The following STPG2 variants were observed in gnomAD, a reference collection of about 807,000 sequenced individuals.
STPG2 encodes sperm tail PG-rich repeat containing 2.
A neutral mutation model predicts 54.2 loss-of-function variants in STPG2; 56 were observed. The observed-to-expected ratio is 1.03, with a 90% CI of 0.83 to 1.29. The LOEUF (loss-of-function observed/expected upper bound fraction) is 1.29, where lower values mean the gene tolerates loss of function less well. Among genes scored for constraint, STPG2 ranks in the 50% most tolerant of loss-of-function variants. The probability of loss-of-function intolerance (pLI) is 0.00; values close to 1 mark genes in which losing one functional copy is unlikely to be tolerated. For missense variants in STPG2, 596 were observed against 544.9 expected, an observed-to-expected ratio of 1.09 and a Z score of -0.93; for synonymous variants, 200 against 181.8, an observed-to-expected ratio of 1.10 and a Z score of -0.81.
chr4:98,127,018 T>C (rs1441410696), intron 3 of STPG2, among the ~76,000 whole-genome samples: 1 of 151,792 alleles, frequency 6.6e-6, no homozygotes, highest in Non-Finnish European at 1.5e-5. Context: ...ATCTGGAAAA[T>C]ATAACAGTAA....
chr4:97,758,974 GA>G (rs1003687451), intron 9 of STPG2, among the ~76,000 whole-genome samples: 2 of 151,470 alleles, frequency 1.3e-5, no homozygotes, highest in Non-Finnish European at 2.9e-5. Context: ...GCAAAAGACA[GA>G]AAAAAAATGA....
At chr4:97,731,374 CA>C (rs1157995992) in intron 9 of STPG2, among the ~76,000 whole-genome samples, 4 of 152,130 alleles carry the variant, frequency 2.6e-5, no homozygotes, top group Non-Finnish European at 4.4e-5. Context: ...AGGCTACCTC[CA>C]GTATATTACA....
intron 9 of STPG2, among the ~76,000 whole-genome samples, chr4:97,770,836 G>A (rs1726195673): frequency 6.6e-6 from 1 of 152,198 alleles, no homozygotes; most frequent in Non-Finnish European, 1.5e-5. Context: ...AGATCAGGAT[G>A]TAAGAGGCAG....
intron 8 of STPG2, among the ~76,000 whole-genome samples, chr4:97,866,909 G>A (rs1189762016): frequency 1.4e-5 from 2 of 146,080 alleles, no homozygotes; most frequent in East Asian, 2.3e-4. Flanking sequence ...TTGCAGCAAG[G>A]TAAAAAAAAC....
In STPG2 at chr4:98,109,202, T is replaced by A. The variant is rs143240732; in HGVS notation, c.491A>T (p.Asp164Val). 160 of 1,592,646 alleles carry A rather than the reference T, an allele frequency of 1.0e-4. No homozygotes were observed. The highest frequency in any genetic ancestry group is 1.3e-4 in the Non-Finnish European group (154 of 1,167,310). ...ATATTTTTTTACTTACTGGACTATATCATACTGTCCTGGACCAGGACCTGA... is the reference window on the plus strand; with the variant it reads ...ATATTTTTTTACTTACTGGACTATAACATACTGTCCTGGACCAGGACCTGA... ...KKSGPGPGQY[D>V]IVQKKTSYYE... is the part of the protein sequence containing the mutation. Residue 164 changes from aspartate to valine, a missense_variant, in exon 4 of 11, where the codon GAT (aspartate) becomes GTT (valine). Coordinates refer to ENST00000295268, the MANE Select transcript of STPG2 (RefSeq NM_174952.3).
intron 10 of STPG2, among the ~76,000 whole-genome samples, chr4:97,659,936 G>T (rs1018508813): frequency 1.3e-4 from 20 of 151,874 alleles, no homozygotes; most frequent in Non-Finnish European, 2.5e-4. Flanking sequence ...GTTCCTTCCA[G>T]CCTTTGGTCA....
intron 5 of STPG2, among the ~76,000 whole-genome samples, chr4:98,004,251 T>C (rs1212133765): frequency 6.6e-6 from 1 of 152,176 alleles, no homozygotes; most frequent in African/African-American, 2.4e-5. Flanking sequence ...TCTTTCTGTG[T>C]CTGTCTTATT....
intron 8 of STPG2, among the ~76,000 whole-genome samples, chr4:97,846,171 C>A (rs1203820959): frequency 6.6e-6 from 1 of 151,982 alleles, no homozygotes; most frequent in Non-Finnish European, 1.5e-5. Context: ...GCCTAGGAGA[C>A]AAAGTCACAC....
At chr4:98,085,873 CCATA>C (rs1264718539) in intron 5 of STPG2, among the ~76,000 whole-genome samples, 1 of 151,954 alleles carries the variant, frequency 6.6e-6, no homozygotes, top group African/African-American at 2.4e-5. Context: ...ATTATCACAT[CCATA>C]CATATTGATC....
At position 97,603,879 on chromosome 4, in the gene STPG2, G is replaced by T. The variant is rs182610583; in HGVS notation, c.1321-44762C>A. Among the ~76,000 whole-genome samples the T allele has an allele frequency of 4.1e-3, 625 of 151,680 alleles. 3 individuals carry two copies. The highest frequency in any genetic ancestry group is 0.02 in the South Asian group (98 of 4,818). On this transcript the variant is annotated intron_variant, in intron 10 of 10. Coordinates refer to ENST00000295268, the MANE Select transcript of STPG2 (RefSeq NM_174952.3). ...TTAATGGATATAAAGTTTCAGTTTT[G>T]CAAGATGAAAAGAGTTCTGGAGATT...
At chr4:97,638,382 A>G (rs1721634953) in intron 10 of STPG2, among the ~76,000 whole-genome samples, 1 of 152,162 alleles carries the variant, frequency 6.6e-6, no homozygotes, top group African/African-American at 2.4e-5. Context: ...ACCTAAAACC[A>G]TAAAAACTCT....
intron 5 of STPG2, among the ~76,000 whole-genome samples, chr4:98,096,876 G>A (rs561662563): frequency 2.2e-4 from 33 of 152,020 alleles, no homozygotes; most frequent in South Asian, 8.3e-4. Flanking sequence ...TGGAAAATCC[G>A]GAAGAAATGA....
chr4:97,684,145 C>A (rs573837972), intron 10 of STPG2, among the ~76,000 whole-genome samples: 1 of 151,796 alleles, frequency 6.6e-6, no homozygotes, highest in African/African-American at 2.4e-5. Context: ...TGAGTAAAAA[C>A]GCTTTATTAA....
intron 4 of STPG2, among the ~76,000 whole-genome samples, chr4:97,506,306 G>T (rs910861915): frequency 5.9e-5 from 9 of 151,932 alleles, no homozygotes; most frequent in African/African-American, 2.2e-4. Context: ...CAAGAAATAG[G>T]ATCAACAGTA....
At chr4:97,660,104 A>G (rs111617982) in intron 10 of STPG2, among the ~76,000 whole-genome samples, 6,119 of 150,824 alleles carry the variant, frequency 0.041, 410 homozygotes, top group African/African-American at 0.14. Context: ...CCGGGTTCAC[A>G]CCATTCTCCT....
At chr4:97,792,993 T>C (rs1050412300) in intron 9 of STPG2, among the ~76,000 whole-genome samples, 2 of 151,864 alleles carry the variant, frequency 1.3e-5, no homozygotes, top group Non-Finnish European at 2.9e-5. Flanking sequence ...TCTCTACTAA[T>C]AATACAAAAA....
In STPG2 at chr4:97,891,388, T is replaced by C. The variant is rs115589786; in HGVS notation, c.1045-50456A>G. Among the ~76,000 whole-genome samples, 575 of 152,210 alleles carry C rather than the reference T, an allele frequency of 3.8e-3. 1 individual carries two copies. Among genetic ancestry groups the C allele is most frequent in the African/African-American group, 0.013 (545 of 41,564 alleles). ...TGCTATAAAGGTTATGAGAGAACTT[T>C]GTGTAACAGACATTTTGAGAACAGT... On this transcript the variant is annotated intron_variant, in intron 8 of 10. Coordinates refer to ENST00000295268, the MANE Select transcript of STPG2 (RefSeq NM_174952.3).
At chr4:97,750,462 A>G (rs1292564525) in intron 9 of STPG2, among the ~76,000 whole-genome samples, 2 of 151,764 alleles carry the variant, frequency 1.3e-5, no homozygotes, top group South Asian at 2.1e-4. Context: ...CCAGGAATCA[A>G]ATGGAATAAA....
intron 7 of STPG2, among the ~76,000 whole-genome samples, chr4:97,963,282 C>T (rs1733959240): frequency 6.6e-6 from 1 of 152,078 alleles, no homozygotes; most frequent in Non-Finnish European, 1.5e-5. Flanking sequence ...GTTCCAAAAA[C>T]TATTAACATT....
Sources: gnomAD v4.1 joint callset for allele counts (sites outside exome capture counted in the v4.1 genomes callset) on GRCh38, gnomAD v4.1.1 for gene constraint, MANE v1.5 for transcripts, NCBI Gene and HGNC (gene_info 2026-07-23, HGNC 2026-07-21) for gene names.